Variants in LTBR observed in about 807,000 individuals in gnomAD.
LTBR encodes the protein tumor necrosis factor receptor superfamily member 3.
A neutral mutation model predicts 45.4 loss-of-function variants in LTBR; 15 were observed. The observed-to-expected ratio is 0.33, with a 90% CI of 0.22 to 0.51. The LOEUF (loss-of-function observed/expected upper bound fraction) is 0.51. LTBR is among the 20% of genes least tolerant of loss of function. The probability of loss-of-function intolerance (pLI) is 0.97; values close to 1 mark genes in which losing one functional copy is unlikely to be tolerated. For synonymous variants in LTBR, 228 were observed against 231.0 expected, an observed-to-expected ratio of 0.99 and a Z score of 0.12; for missense variants, 450 against 565.5, an observed-to-expected ratio of 0.80 and a Z score of 2.07.
At chr12:6,385,904 CAAAA>C (rs4020662) in intron 4 of LTBR, 158 bp from the exon 5 acceptor site, 433 of 357,668 alleles carry the variant, frequency 1.2e-3, no homozygotes, top group East Asian at 1.7e-3. Flanking sequence ...GACTCCGTCT[CAAAA>C]AAAAAAAAAA....
At chr12:6,387,712 G>T (rs1374504907) in intron 6 of LTBR, 1 of 319,142 alleles carries the variant, frequency 3.1e-6, no homozygotes, top group Admixed American at 3.9e-5. Context: ...GGCAGCACTG[G>T]TACCCAGAGA....
rs950260552 is a variant in LTBR, at chr12:6,384,441, C to T, written c.83C>T (p.Ser28Leu). The T allele has an allele frequency of 1.9e-6, 3 of 1,551,548 alleles. No homozygotes were observed. Among genetic ancestry groups the T allele is most frequent in the Non-Finnish European group, 2.6e-6 (3 of 1,150,710 alleles). ...GGCCTCTTCGGGCTCCTGGCAGCATCGCAGCCCCAGGCGGTGAGGAAGGGG... is the reference window on the plus strand; with the variant it reads ...GGCCTCTTCGGGCTCCTGGCAGCATTGCAGCCCCAGGCGGTGAGGAAGGGG... The part of the protein sequence containing the change: ...VLGLFGLLAA[S>L]QPQAVPPYAS... Residue 28 changes from serine to leucine, a missense_variant, in exon 1 of 10, where the codon TCG (serine) becomes TTG (leucine). This residue lies in a region of LTBR where 367 missense variants were observed against 435.4 expected (regional missense o/e 0.84). Transcript: ENST00000228918.
chr12:6,377,337 G>A, intron 1 of LTBR: 3 of 1,361,550 alleles, frequency 2.2e-6, no homozygotes, highest in South Asian at 1.3e-5. Context: ...CCCTTCCCAA[G>A]GATAAATCAG....
intron 8 of LTBR, 199 bp downstream of exon 8, chr12:6,389,024 C>T (rs1949080878): frequency 1.7e-6 from 1 of 584,528 alleles, no homozygotes; most frequent in East Asian, 2.9e-5. Flanking sequence ...TACCTCATTT[C>T]CTGGAGTTCA....
chr12:6,390,227 C>T lies in LTBR; in HGVS notation c.917C>T (p.Thr306Ile). 1 of 1,614,088 alleles carries T rather than the reference C, an allele frequency of 6.2e-7. No homozygotes were observed. Among genetic ancestry groups the T allele is most frequent in the Non-Finnish European group, 8.5e-7 (1 of 1,179,982 alleles). ...PISGDVSPVS[T>I]GLPAAPVLEA... ...TCTGGAGATGTTTCCCCAGTATCCACTGGGCTCCCCGCAGCCCCAGTTTTG... is the reference window on the plus strand; with the variant it reads ...TCTGGAGATGTTTCCCCAGTATCCATTGGGCTCCCCGCAGCCCCAGTTTTG... Residue 306 changes from threonine (T) to isoleucine (I), a missense_variant, in exon 9 of 10, where the codon ACT (threonine) becomes ATT (isoleucine). Physicochemically the swap from Thr to Ile is moderately conservative, Grantham distance 89. Transcript: ENST00000228918.
rs1286229759 is a variant in LTBR, at chr12:6,390,797, G to A, written c.1168G>A (p.Glu390Lys). Residue 390 changes from glutamate (E) to lysine (K), a missense_variant, in exon 10 of 10, where the codon GAA (glutamate) becomes AAA (lysine). Coordinates refer to ENST00000228918, the MANE Select transcript of LTBR (RefSeq NM_002342.3). ...CCCCGAACCTCCATACCCCATTCCC[G>A]AAGAGGGGGACCCTGGCCCTCCCGG... Reference protein sequence around the residue: ...ATPEPPYPIPEEGDPGPPGLS... With the variant: ...ATPEPPYPIPKEGDPGPPGLS... 4 of 1,610,556 alleles carry A rather than the reference G, an allele frequency of 2.5e-6. No homozygotes were observed. Among genetic ancestry groups the A allele is most frequent in the South Asian group, 1.1e-5 (1 of 89,952 alleles).
At position 6,388,986 on chromosome 12, in the gene LTBR, T is replaced by C; in HGVS notation, c.801+161T>C. 1.2e-6 allele frequency: 1 copy of C among 820,318 alleles called. No homozygotes were observed. The highest frequency in any genetic ancestry group is 2.6e-4 in the Middle Eastern group (1 of 3,824). 50.8% of individuals were successfully genotyped at this position (820,318 alleles called of 1,614,324 possible). Reference sequence around the variant, plus strand: ...ACGTACCAGGCACTGTCCTAGGCACTGGGCGTACAGCAGTGAGCAAAACAC... The same window carrying C: ...ACGTACCAGGCACTGTCCTAGGCACCGGGCGTACAGCAGTGAGCAAAACAC... On this transcript the variant is annotated intron_variant, in intron 8 of 9. Coordinates refer to ENST00000228918, the MANE Select transcript of LTBR (RefSeq NM_002342.3). This position sits in a 1 kb window ranked among gnomAD's most constrained non-coding sequence, Gnocchi z 4.3.
chr12:6,377,590 T>C, intron 1 of LTBR: 1 of 1,068,248 alleles, frequency 9.4e-7, no homozygotes, highest in Admixed American at 2.2e-5. Context: ...TGTGAAAAGG[T>C]CTCTGCACTG....
In LTBR at chr12:6,390,784, A is replaced by G; in HGVS notation, c.1155A>G (p.Pro385=). The stretch of plus-strand genomic sequence containing the variant: ...ACCTCCCAGCTACCCCCGAACCTCC[A>G]TACCCCATTCCCGAAGAGGGGGACC... ...PGDLPATPEP[P]YPIPEEGDPG... is the part of the protein sequence containing the mutation. Residue 385 remains proline (P), a synonymous_variant, in exon 10 of 10, where the codon CCA becomes CCG. Transcript: ENST00000228918. 6.2e-7 allele frequency: 1 copy of G among 1,608,062 alleles called. No homozygotes were observed. The highest frequency in any genetic ancestry group is 1.1e-5 in the South Asian group (1 of 89,528).
intron 1 of LTBR, chr12:6,377,149 G>A: frequency 1.1e-6 from 1 of 922,654 alleles, no homozygotes; most frequent in South Asian, 1.6e-5. Flanking sequence ...CAGGCTCAGG[G>A]TCCAACCTGG....
At chr12:6,385,552 T>G (rs1949030406) in intron 4 of LTBR, 173 bp downstream of exon 4, 1 of 777,596 alleles carries the variant, frequency 1.3e-6, no homozygotes, top group Non-Finnish European at 2.0e-6. Context: ...GACATGGAAC[T>G]GGGACAGGTG....
chr12:6,383,724 C>CG (rs537056233), upstream of LTBR, among the ~76,000 whole-genome samples: 71 of 152,294 alleles, frequency 4.7e-4, no homozygotes, highest in African/African-American at 1.5e-3. Flanking sequence ...GGCAGGACAA[C>CG]GGGGGAGGAA....
rs1490940536 is a variant in LTBR at position 6,391,258 on chromosome 12, C to T, written c.*321C>T. 2.5e-5 allele frequency: 6 copies of T among 242,402 alleles called. No individual in the cohort carries two copies. The highest frequency in any genetic ancestry group is 1.1e-4 in the Admixed American group (2 of 17,634). 15.0% of individuals were successfully genotyped at this position (242,402 alleles called of 1,614,324 possible). ...GGCACGCCGCACCGGAGCACGGCACCGAGGGAGCCGCCACACGGTCACCTG... is the reference window on the plus strand; with the variant it reads ...GGCACGCCGCACCGGAGCACGGCACTGAGGGAGCCGCCACACGGTCACCTG... On this transcript the variant is annotated 3_prime_UTR_variant, in exon 10 of 10. Transcript: ENST00000228918.
At chr12:6,375,438 T>C in exon 1 of LTBR, 1 of 1,533,882 alleles carries the variant, frequency 6.5e-7, no homozygotes, top group Non-Finnish European at 8.7e-7. Context: ...CACTCCCAGG[T>C]TGCGGCTGGA....
At chr12:6,377,216 G>T in intron 1 of LTBR, 2 of 1,536,090 alleles carry the variant, frequency 1.3e-6, no homozygotes, top group Non-Finnish European at 1.8e-6. Flanking sequence ...GAAAGCCGGT[G>T]TCAACCAGGA....
chr12:6,377,416 G>A, intron 1 of LTBR: 1 of 729,280 alleles, frequency 1.4e-6, no homozygotes, highest in Admixed American at 2.5e-5. Context: ...CTCCTCCTCT[G>A]GGGCTATCTA....
intron 6 of LTBR, chr12:6,387,116 C>G (rs1006612899): frequency 1.3e-5 from 2 of 152,200 alleles, no homozygotes; most frequent in African/African-American, 4.8e-5. Context: ...GTTATTAGAA[C>G]CTGTACTCAG....
upstream of LTBR, chr12:6,384,127 C>T: frequency 7.9e-7 from 1 of 1,266,842 alleles, no homozygotes; most frequent in Non-Finnish European, 9.9e-7. Context: ...TGGCTCCCAG[C>T]GCTCCCTGTC....
At chr12:6,382,748 T>G (rs566352257), upstream of LTBR, among the ~76,000 whole-genome samples, 6 of 152,256 alleles carry the variant, frequency 3.9e-5, no homozygotes, top group African/African-American at 1.2e-4. Flanking sequence ...TGTCCAGACA[T>G]CAGACCTGAA....
Sources: allele counts gnomAD v4.1 joint callset (sites outside exome capture counted in the v4.1 genomes callset), GRCh38; gene constraint gnomAD v4.1.1; regional missense constraint gnomAD v4.1.1; non-coding constraint Gnocchi (gnomAD v3.1); transcripts MANE v1.5; gene names NCBI Gene and HGNC (gene_info 2026-07-23, HGNC 2026-07-21).